Variants in ANKFN1 observed in about 807,000 individuals in gnomAD.
The protein encoded by ANKFN1 is ankyrin repeat and fibronectin type-III domain-containing protein 1.
In ANKFN1, 74 loss-of-function variants were observed where a neutral mutation model predicts 108.7. The observed-to-expected ratio is 0.68, with a 90% CI of 0.56 to 0.83. ANKFN1 has a LOEUF of 0.83. Among genes scored for constraint, ANKFN1 ranks in the 40% least tolerant of loss-of-function variants. The pLI, the probability that ANKFN1 is intolerant of heterozygous loss-of-function variation, is 0.00. For missense variants in ANKFN1, 1,505 were observed against 1,382.3 expected, an observed-to-expected ratio of 1.09 and a Z score of -1.41; for synonymous variants, 547 against 516.2, an observed-to-expected ratio of 1.06 and a Z score of -0.81.
At chr17:56,206,175 T>C (rs562180217) in intron 1 of ANKFN1, among the ~76,000 whole-genome samples, 1 of 152,318 alleles carries the variant, frequency 6.6e-6, no homozygotes, top group South Asian at 2.1e-4. Flanking sequence ...CCCTAGTATA[T>C]ATTTCAGTGT....
chr17:56,223,742 A>G (rs945453450), intron 2 of ANKFN1, among the ~76,000 whole-genome samples: 1 of 152,202 alleles, frequency 6.6e-6, no homozygotes. Context: ...GATTATAACC[A>G]TTTAAGGAAC....
At chr17:56,204,688 A>G (rs768935126) in intron 1 of ANKFN1, among the ~76,000 whole-genome samples, 8 of 152,182 alleles carry the variant, frequency 5.3e-5, no homozygotes, top group Non-Finnish European at 8.8e-5. Context: ...CCACTGTCAT[A>G]ATATAGACAT....
At chr17:56,348,824 C>T (rs2046171962) in intron 4 of ANKFN1, among the ~76,000 whole-genome samples, 1 of 152,134 alleles carries the variant, frequency 6.6e-6, no homozygotes, top group South Asian at 2.1e-4. Context: ...TTGTGGAAGA[C>T]AGTATGGTGA....
chr17:56,374,450 T>C, intron 7 of ANKFN1, 151 bp from the exon 8 acceptor site: 1 of 619,878 alleles, frequency 1.6e-6, no homozygotes, highest in Non-Finnish European at 2.9e-6. Context: ...CATTGAGACG[T>C]CTAATGAAAA....
chr17:56,258,414 T>G (rs2043412923), intron 3 of ANKFN1: 1 of 152,218 alleles, frequency 6.6e-6, no homozygotes, highest in Non-Finnish European at 1.5e-5. Flanking sequence ...TGCTTTCACA[T>G]TCCCATAAGG....
intron 1 of ANKFN1, among the ~76,000 whole-genome samples, chr17:56,183,015 C>G (rs1175046303): frequency 1.3e-5 from 2 of 152,196 alleles, no homozygotes; most frequent in Non-Finnish European, 2.9e-5. Flanking sequence ...ACTATTGAAA[C>G]ATGCTGCTCA....
At chr17:56,396,464 C>T (rs1163802600) in intron 8 of ANKFN1, among the ~76,000 whole-genome samples, 4 of 152,026 alleles carry the variant, frequency 2.6e-5, no homozygotes, top group Admixed American at 6.6e-5. Context: ...AAAAGAACAT[C>T]GAACATTGCA....
chr17:56,502,351 G>A (rs1480833649), intron 20 of ANKFN1, among the ~76,000 whole-genome samples: 1 of 152,142 alleles, frequency 6.6e-6, no homozygotes, highest in African/African-American at 2.4e-5. Flanking sequence ...CTGCTAAGAG[G>A]ATCTGGCCAA....
chr17:56,349,879 T>C (rs1434796575), intron 4 of ANKFN1, among the ~76,000 whole-genome samples: 1 of 152,152 alleles, frequency 6.6e-6, no homozygotes, highest in Non-Finnish European at 1.5e-5. Flanking sequence ...GGGAGACACT[T>C]TGCACATAAT....
At chr17:56,068,557 A>C (rs1905087068) in intron 4 of ANKFN1, among the ~76,000 whole-genome samples, 1 of 152,202 alleles carries the variant, frequency 6.6e-6, no homozygotes, top group African/African-American at 2.4e-5. Flanking sequence ...CACCAGCCCC[A>C]GGGCACACAG....
chr17:56,204,653 A>T (rs1455526609), intron 1 of ANKFN1, among the ~76,000 whole-genome samples: 1 of 152,116 alleles, frequency 6.6e-6, no homozygotes. Context: ...GGCACTGTTT[A>T]TGATCATACA....
chr17:56,372,135 A>C (rs1327369704), intron 6 of ANKFN1, among the ~76,000 whole-genome samples: 1 of 152,260 alleles, frequency 6.6e-6, no homozygotes, highest in East Asian at 1.9e-4. Flanking sequence ...ACGTACAAAA[A>C]TGTCTATAAG....
intron 4 of ANKFN1, among the ~76,000 whole-genome samples, chr17:56,093,184 T>C (rs1028505158): frequency 8.6e-5 from 13 of 151,208 alleles, no homozygotes; most frequent in African/African-American, 2.7e-4. Context: ...AAGATTCTGC[T>C]TTCCACAGGG....
At chr17:56,257,324 A>T (rs1434381978) in intron 3 of ANKFN1, among the ~76,000 whole-genome samples, 1 of 152,204 alleles carries the variant, frequency 6.6e-6, no homozygotes, top group African/African-American at 2.4e-5. Flanking sequence ...CATCTATAGG[A>T]GTCACTGTTC....
In ANKFN1 at chr17:56,512,398, C is replaced by CA. The variant is rs1344184355; in HGVS notation, c.*1133dup. Among the ~76,000 whole-genome samples the CA allele has an allele frequency of 6.6e-6, 1 of 152,180 alleles. No individual in the cohort carries two copies. Among genetic ancestry groups the CA allele is most frequent in the Non-Finnish European group, 1.5e-5 (1 of 68,036 alleles). Reference sequence around the variant, plus strand: ...ACCTCTCCTTAGGTCAAATTTGCCTCAAAATCATCTGGCCCAATTGGCATC... The same window carrying CA: ...ACCTCTCCTTAGGTCAAATTTGCCTCAAAAATCATCTGGCCCAATTGGCATC... On this transcript the variant is annotated 3_prime_UTR_variant, in exon 21 of 21. Transcript: ENST00000682825.
At chr17:56,054,597 G>A (rs1290900918) in intron 4 of ANKFN1, among the ~76,000 whole-genome samples, 1 of 152,170 alleles carries the variant, frequency 6.6e-6, no homozygotes, top group Non-Finnish European at 1.5e-5. Flanking sequence ...AAAAATCAAT[G>A]TATATACCTG....
Position 56,055,566 on chromosome 17 carries a change from C to CACATATATATATAT in ANKFN1, c.288+9242_288+9243insCATATATATATATA, listed in dbSNP as rs1555588767. Reference sequence around the variant, plus strand: ...TATATGTGTGTGTGTGGTATATATACATATATATATATATATATATATGTA... The same window carrying CACATATATATATAT: ...TATATGTGTGTGTGTGGTATATATACACATATATATATATATATATATATATATATATATATGTA... On this transcript the variant is annotated intron_variant, in intron 4 of 12. Coordinates refer to the ANKFN1 transcript ENST00000635860. Among the ~76,000 whole-genome samples, 17 of 47,460 alleles carry CACATATATATATAT rather than the reference C, an allele frequency of 3.6e-4. 1 individual carries two copies. The highest frequency in any genetic ancestry group is 2.1e-3 in the African/African-American group (16 of 7,580). 31.1% of individuals were successfully genotyped at this position (47,460 alleles called of 152,430 possible).
At chr17:56,341,181 T>C (rs561932627) in intron 4 of ANKFN1, among the ~76,000 whole-genome samples, 31 of 152,270 alleles carry the variant, frequency 2.0e-4, no homozygotes, top group Non-Finnish European at 3.1e-4. Context: ...TAAAGTTGTT[T>C]ATCAGTTTAA....
chr17:56,376,608 G>A (rs147686302), intron 8 of ANKFN1, among the ~76,000 whole-genome samples: 45 of 152,232 alleles, frequency 3.0e-4, no homozygotes, highest in African/African-American at 1.1e-3. Context: ...TGATGAGTGA[G>A]CTATCAGGAA....
Sources: gnomAD v4.1 joint callset for allele counts (sites outside exome capture counted in the v4.1 genomes callset) on GRCh38, gnomAD v4.1.1 for gene constraint, MANE v1.5 for transcripts, NCBI Gene and HGNC (gene_info 2026-07-23, HGNC 2026-07-21) for gene names.